Variants in RGS8 observed in about 807,000 individuals in gnomAD.
The protein encoded by RGS8 is regulator of G-protein signaling 8.
RGS8 carries 8 observed loss-of-function variants against 21.7 expected under a neutral mutation model. The observed-to-expected ratio is 0.37, with a 90% confidence interval of 0.22 to 0.66. The LOEUF is 0.66. RGS8 is among the 30% of genes least tolerant of loss of function. RGS8 has a pLI of 0.59. For synonymous variants in RGS8, 80 were observed against 83.6 expected, an observed-to-expected ratio of 0.96 and a Z score of 0.24; for missense variants, 157 against 217.9, an observed-to-expected ratio of 0.72 and a Z score of 1.76.
the RGS8 span, among the ~76,000 whole-genome samples, chr1:182,739,352 C>T: frequency 6.6e-5 from 10 of 152,150 alleles, no homozygotes; most frequent in Non-Finnish European, 1.2e-4. Context: ...TTCTCCCCAA[C>T]GCTGTCATCT....
At chr1:182,724,363 T>A in the RGS8 span, among the ~76,000 whole-genome samples, 5 of 150,962 alleles carry the variant, frequency 3.3e-5, no homozygotes, top group African/African-American at 1.2e-4. Flanking sequence ...CAACTGGGCC[T>A]TTGCCTTATT....
the RGS8 span, among the ~76,000 whole-genome samples, chr1:182,702,637 G>A: frequency 4.5e-4 from 68 of 152,262 alleles, no homozygotes; most frequent in Middle Eastern, 3.4e-3. Context: ...AGATCCAATC[G>A]TAAGTAAAAT....
the RGS8 span, among the ~76,000 whole-genome samples, chr1:182,732,453 C>T: frequency 6.6e-6 from 1 of 152,142 alleles, no homozygotes; most frequent in East Asian, 1.9e-4. Context: ...AAGGAAACAA[C>T]TAGATGGTAG....
chr1:182,722,881 G>A, the RGS8 span, among the ~76,000 whole-genome samples: 1 of 152,078 alleles, frequency 6.6e-6, no homozygotes, highest in Admixed American at 6.6e-5. Flanking sequence ...GGGAGGCTGA[G>A]GCAGGAGAAT....
the RGS8 span, among the ~76,000 whole-genome samples, chr1:182,705,678 A>G: frequency 5.2e-5 from 7 of 135,714 alleles, no homozygotes; most frequent in African/African-American, 2.0e-4. Context: ...GCAAATGGCA[A>G]CATAGATAAA....
chr1:182,679,819 C>T (rs912968322), intron 1 of RGS8, among the ~76,000 whole-genome samples: 4 of 152,008 alleles, frequency 2.6e-5, no homozygotes, highest in African/African-American at 9.7e-5. Context: ...GCCCACCTCC[C>T]ACTCCACCCG....
At chr1:182,723,285 A>C in the RGS8 span, among the ~76,000 whole-genome samples, 1 of 152,176 alleles carries the variant, frequency 6.6e-6, no homozygotes, top group Non-Finnish European at 1.5e-5. Context: ...ATTACAGTCC[A>C]GCCATCAGTG....
chr1:182,700,543 T>C, the RGS8 span, among the ~76,000 whole-genome samples: 1 of 152,224 alleles, frequency 6.6e-6, no homozygotes, highest in Non-Finnish European at 1.5e-5. Flanking sequence ...AGCCTCGGGC[T>C]GCCTCTGGCG....
At chr1:182,668,818 G>A (rs958951935) in intron 3 of RGS8, among the ~76,000 whole-genome samples, 10 of 152,322 alleles carry the variant, frequency 6.6e-5, no homozygotes, top group Admixed American at 2.6e-4. Context: ...CTGACAGCAC[G>A]CCTTGCGAGC....
intron 1 of RGS8, among the ~76,000 whole-genome samples, chr1:182,680,738 T>C (rs978459260): frequency 2.0e-5 from 3 of 152,144 alleles, no homozygotes; most frequent in African/African-American, 7.2e-5. Context: ...AAAAAACGTA[T>C]TTTTCATCTC....
At chr1:182,676,521 G>T (rs1184160137), upstream of RGS8, among the ~76,000 whole-genome samples, 1 of 152,200 alleles carries the variant, frequency 6.6e-6, no homozygotes, top group Non-Finnish European at 1.5e-5. Flanking sequence ...TGGAAGGGCA[G>T]GACAGAAGGA....
chr1:182,741,175 G>T, the RGS8 span, among the ~76,000 whole-genome samples: 1 of 145,692 alleles, frequency 6.9e-6, no homozygotes, highest in Non-Finnish European at 1.5e-5. Flanking sequence ...CGGCTGGCCG[G>T]GTGGGGGGCT....
At chr1:182,680,162 G>C (rs930048263) in intron 1 of RGS8, among the ~76,000 whole-genome samples, 14 of 152,078 alleles carry the variant, frequency 9.2e-5, no homozygotes, top group Non-Finnish European at 1.5e-4. Flanking sequence ...CACCTGGTTA[G>C]TCACAAACAT....
the RGS8 span, among the ~76,000 whole-genome samples, chr1:182,727,464 T>A: frequency 6.6e-6 from 1 of 152,216 alleles, no homozygotes; most frequent in Admixed American, 6.5e-5. Flanking sequence ...CTTCGTGACA[T>A]TTCAAGGGAG....
the RGS8 span, among the ~76,000 whole-genome samples, chr1:182,693,518 G>A: frequency 1.3e-5 from 2 of 152,228 alleles, no homozygotes; most frequent in African/African-American, 2.4e-5. Context: ...ACACACAATT[G>A]GTGGGAGTGT....
At chr1:182,719,770 A>AG in the RGS8 span, among the ~76,000 whole-genome samples, 1 of 152,066 alleles carries the variant, frequency 6.6e-6, no homozygotes, top group Non-Finnish European at 1.5e-5. Context: ...AAAAAAAAAA[A>AG]CACTGTTGCA....
chr1:182,706,694 T>A, the RGS8 span, among the ~76,000 whole-genome samples: 1 of 151,294 alleles, frequency 6.6e-6, no homozygotes, highest in Non-Finnish European at 1.5e-5. Context: ...CTCAAACTCC[T>A]GACCTCAGAT....
upstream of RGS8, among the ~76,000 whole-genome samples, chr1:182,689,179 T>C (rs1191754982): frequency 1.3e-5 from 2 of 152,078 alleles, no homozygotes; most frequent in Non-Finnish European, 2.9e-5. Flanking sequence ...AGATGGCCTT[T>C]GCCTTTTAGT....
chr1:182,672,772 C>T, upstream of RGS8: 2 of 1,610,666 alleles, frequency 1.2e-6, no homozygotes, highest in Non-Finnish European at 1.7e-6. Flanking sequence ...CACATGATCC[C>T]TATTTTTCTG....
Sources: gnomAD v4.1 joint callset for allele counts (sites outside exome capture counted in the v4.1 genomes callset) on GRCh38, gnomAD v4.1.1 for gene constraint, MANE v1.5 for transcripts, NCBI Gene and HGNC (gene_info 2026-07-23, HGNC 2026-07-21) for gene names.